DYNLL1: variants seen among roughly 807,000 people sequenced by gnomAD.
DYNLL1 encodes dynein light chain LC8-type 1, also known as dynein light chain 1, cytoplasmic.
A neutral mutation model predicts 10.1 loss-of-function variants in DYNLL1; 3 were observed. The observed-to-expected ratio is 0.30, with a 90% CI of 0.14 to 0.77. The LOEUF (loss-of-function observed/expected upper bound fraction) is 0.77. Ranked by LOEUF, DYNLL1 falls within the 30% of genes least tolerant of loss-of-function variation. The pLI is 0.66. For missense variants in DYNLL1, 47 were observed against 111.7 expected (o/e 0.42, Z 2.61); for synonymous variants, 46 against 41.2 (o/e 1.12, Z -0.45).
At chr12:120,479,460 A>AAAAT (rs1878832489) in intron 1 of DYNLL1, among the ~76,000 whole-genome samples, 1 of 133,226 alleles carries the variant, frequency 7.5e-6, no homozygotes, top group African/African-American at 2.8e-5. Context: ...AAAAAAAAAA[A>AAAAT]AAAAAAAAAA....
At chr12:120,472,861 C>T (rs1211028555) in intron 1 of DYNLL1, among the ~76,000 whole-genome samples, 5 of 152,214 alleles carry the variant, frequency 3.3e-5, no homozygotes, top group African/African-American at 1.2e-4. Context: ...ATGAAACCCC[C>T]TTTATTCCTG....
intron 2 of DYNLL1, chr12:120,497,183 G>A (rs938282394): frequency 6.4e-6 from 1 of 157,068 alleles, no homozygotes; most frequent in Non-Finnish European, 1.4e-5. Context: ...TAGCTTGCAA[G>A]AGCGTTACTC....
chr12:120,475,150 G>A (rs1878727331), intron 1 of DYNLL1, among the ~76,000 whole-genome samples: 1 of 151,948 alleles, frequency 6.6e-6, no homozygotes, highest in African/African-American at 2.4e-5. Flanking sequence ...GTTTTTTTCA[G>A]AGACTGCAAA....
chr12:120,492,616 CTT>C (rs1303999599), upstream of DYNLL1, among the ~76,000 whole-genome samples: 1 of 152,058 alleles, frequency 6.6e-6, no homozygotes, highest in Non-Finnish European at 1.5e-5. The surrounding 1 kb of genome is among the most constrained non-coding windows in gnomAD (Gnocchi z 4.1). Context: ...GAACCTGTGC[CTT>C]GGAGAGGTTA....
At chr12:120,483,669 C>G (rs960938499) in intron 1 of DYNLL1, among the ~76,000 whole-genome samples, 7 of 151,778 alleles carry the variant, frequency 4.6e-5, no homozygotes, top group Admixed American at 1.3e-4. Context: ...CATTCAGGGG[C>G]AAAGTTTGGG....
rs561294020 is a variant in DYNLL1 at position 120,496,384 on chromosome 12, C to T, written c.-6-32C>T. 3.5e-5 allele frequency: 56 copies of T among 1,613,012 alleles called. No homozygotes were observed. The East Asian group carries it at 5.1e-4, about 15-fold the overall frequency. ...TTAGTGCCTGGGGGGCGCGGCCCAA[C>T]TCAACCCCTTACCCCAGGCCTTGCC... On this transcript the variant is annotated intron_variant, in intron 1 of 2. Coordinates refer to ENST00000242577, the MANE Select transcript of DYNLL1 (RefSeq NM_003746.3).
At chr12:120,472,740 A>G (rs1012884370) in intron 1 of DYNLL1, among the ~76,000 whole-genome samples, 6 of 152,216 alleles carry the variant, frequency 3.9e-5, no homozygotes, top group African/African-American at 7.2e-5. Flanking sequence ...GCAGCATACA[A>G]TCTCCAAAGG....
intron 1 of DYNLL1, among the ~76,000 whole-genome samples, chr12:120,486,076 C>T (rs1036047200): frequency 6.6e-6 from 1 of 151,900 alleles, no homozygotes; most frequent in African/African-American, 2.4e-5. Flanking sequence ...TGATTAAAAC[C>T]CCTGTAAATA....
At chr12:120,487,312 A>C (rs1232728707) in intron 1 of DYNLL1, among the ~76,000 whole-genome samples, 2 of 67,282 alleles carry the variant, frequency 3.0e-5, no homozygotes, top group African/African-American at 1.6e-4. Context: ...TTTTTTTTTG[A>C]GACGGACTCT....
At chr12:120,485,582 A>G (rs1012302952) in intron 1 of DYNLL1, among the ~76,000 whole-genome samples, 28 of 151,914 alleles carry the variant, frequency 1.8e-4, no homozygotes, top group Non-Finnish European at 3.2e-4. Context: ...GCTCATGCCT[A>G]TAATACCAGC....
At chr12:120,496,709 C>A in intron 2 of DYNLL1, 156 bp downstream of exon 2, 1 of 1,224,194 alleles carries the variant, frequency 8.2e-7, no homozygotes. Flanking sequence ...TTTTGCGCTC[C>A]TGTGGAGAAG....
intron 1 of DYNLL1, among the ~76,000 whole-genome samples, chr12:120,472,191 A>C (rs1178125247): frequency 6.6e-6 from 1 of 152,022 alleles, no homozygotes; most frequent in Non-Finnish European, 1.5e-5. Context: ...AAAAAAATAG[A>C]AAAAGCTTTC....
intron 1 of DYNLL1, among the ~76,000 whole-genome samples, chr12:120,476,937 T>G (rs912166640): frequency 1.3e-4 from 15 of 112,578 alleles, no homozygotes; most frequent in Non-Finnish European, 2.1e-4. Flanking sequence ...GTTTTTTTTG[T>G]TTTTTTTTTT....
At chr12:120,491,863 A>C (rs990949945), upstream of DYNLL1, 3 of 152,252 alleles carry the variant, frequency 2.0e-5, no homozygotes, top group African/African-American at 7.2e-5. Flanking sequence ...ACTCTGAACT[A>C]TCCATCCTTT....
intron 1 of DYNLL1, among the ~76,000 whole-genome samples, chr12:120,479,686 G>C (rs962069645): frequency 6.6e-6 from 1 of 152,016 alleles, no homozygotes; most frequent in African/African-American, 2.4e-5. Flanking sequence ...AAGCATTCCA[G>C]ACAGAAAGAA....
Position 120,480,223 on chromosome 12 carries a change from C to G in DYNLL1, c.-7+10119C>G, listed in dbSNP as rs190705567. ...CCCCAAAATTAGAGGGGACCTCAATCTGCATCCAGAGGGGGCTGGTTAAGC... is the reference window on the plus strand; with the variant it reads ...CCCCAAAATTAGAGGGGACCTCAATGTGCATCCAGAGGGGGCTGGTTAAGC... On this transcript the variant is annotated intron_variant, in intron 1 of 2. Transcript: ENST00000392509. 2.6e-5 allele frequency among the ~76,000 whole-genome samples: 4 copies of G among 152,326 alleles called. No homozygotes were observed. In the East Asian group the frequency reaches 7.7e-4, roughly 29 times the overall value.
At chr12:120,495,874 G>GGGT (rs201853419), upstream of DYNLL1, 4,707 of 162,690 alleles carry the variant, frequency 0.029, 114 homozygotes, top group Middle Eastern at 0.053. Context: ...TCCACCTTCT[G>GGGT]GGTGTGTGGG....
At position 120,476,858 on chromosome 12, in the gene DYNLL1, C is replaced by T. The variant is rs187987558; in HGVS notation, c.-7+6754C>T. ...AACTCCCAACCTCAGGTGGTCCGCC[C>T]GCCTTGGCCTCCCAAAGTGCTGGGA... On this transcript the variant is annotated intron_variant, in intron 1 of 2. Coordinates refer to the DYNLL1 transcript ENST00000392509. Among the ~76,000 whole-genome samples, 12 of 150,236 alleles carry T rather than the reference C, an allele frequency of 8.0e-5. 1 individual carries two copies. Among genetic ancestry groups the T allele is most frequent in the Non-Finnish European group, 1.3e-4 (9 of 67,556 alleles).
At chr12:120,482,055 C>T (rs1008651859) in intron 1 of DYNLL1, among the ~76,000 whole-genome samples, 1 of 152,110 alleles carries the variant, frequency 6.6e-6, no homozygotes, top group African/African-American at 2.4e-5. Flanking sequence ...ATTCACAGGT[C>T]CCCAAAGACT....
Sources: gnomAD v4.1 joint callset for allele counts (sites outside exome capture counted in the v4.1 genomes callset) on GRCh38, gnomAD v4.1.1 for gene constraint, Gnocchi (gnomAD v3.1) non-coding constraint, MANE v1.5 for transcripts, NCBI Gene and HGNC (gene_info 2026-07-23, HGNC 2026-07-21) for gene names.